HMGXB4: variants seen among roughly 807,000 people sequenced by gnomAD.
The protein encoded by HMGXB4 is HMG-box containing 4, also known as HMG domain-containing protein 4.
Under a neutral mutation model 63.9 loss-of-function variants are expected in HMGXB4, and 27 were observed. The observed-to-expected ratio is 0.42, with a 90% CI of 0.31 to 0.58. The LOEUF is 0.58. Among genes scored for constraint, HMGXB4 ranks in the 20% least tolerant of loss-of-function variants. HMGXB4 has a pLI of 0.13. For missense variants in HMGXB4, 624 were observed against 700.7 expected (o/e 0.89, Z 1.24); for synonymous variants, 264 against 265.3 (o/e 0.99, Z 0.05).
Position 35,293,602 on chromosome 22 carries a change from T to C in HMGXB4, c.1762-5T>C. On this transcript the variant is annotated splice_polypyrimidine_tract_variant and splice_region_variant and intron_variant, in intron 10 of 10. Transcript: ENST00000216106. Reference sequence around the variant, plus strand: ...TTCAGTTGAACATTTTTCTTTGTTTTGCAGTCAAACACATTAGACAACATT... The same window carrying C: ...TTCAGTTGAACATTTTTCTTTGTTTCGCAGTCAAACACATTAGACAACATT... The C allele has an allele frequency of 1.2e-6, 2 of 1,607,420 alleles. No homozygotes were observed. The highest frequency in any genetic ancestry group is 1.7e-6 in the Non-Finnish European group (2 of 1,173,890).
intron 8 of HMGXB4, 123 bp downstream of exon 8, chr22:35,287,575 G>T: frequency 1.5e-6 from 1 of 668,192 alleles, no homozygotes. Context: ...ATTATTACCT[G>T]GGAATGTTAC....
At position 35,265,568 on chromosome 22, in the gene HMGXB4, G is replaced by C; in HGVS notation, c.1180G>C (p.Glu394Gln). 1.9e-6 allele frequency: 3 copies of C among 1,594,434 alleles called. No individual in the cohort carries two copies. The highest frequency in any genetic ancestry group is 2.6e-6 in the Non-Finnish European group (3 of 1,173,642). ...GCATAGTGAAAAAAAAAAGAAAAAAGAAGAGAAGGACAAAGAGAGAGAGAG... is the reference window on the plus strand; with the variant it reads ...GCATAGTGAAAAAAAAAAGAAAAAACAAGAGAAGGACAAAGAGAGAGAGAG... Reference protein sequence around the residue: ...DGHSEKKKKKEEKDKERERGE... With the variant: ...DGHSEKKKKKQEKDKERERGE... The change falls in exon 5 of 11, where the codon GAA (glutamate) becomes CAA (glutamine). Residue 394 changes from glutamate (E) to glutamine (Q), a missense_variant. Glu to Gln is a conservative substitution (Grantham distance 29). Around this residue, in one of 2 missense-constraint regions of HMGXB4, gnomAD observed 472 missense variants for 470.6 expected, o/e 1.00. Coordinates refer to ENST00000216106, the MANE Select transcript of HMGXB4 (RefSeq NM_001003681.3).
the HMGXB4 span, among the ~76,000 whole-genome samples, chr22:35,245,476 C>A: frequency 6.6e-6 from 1 of 151,764 alleles, no homozygotes; most frequent in Non-Finnish European, 1.5e-5. Context: ...ACTGAAGTAT[C>A]TTTATGATGG....
intron 5 of HMGXB4, among the ~76,000 whole-genome samples, chr22:35,271,682 G>A (rs1357810146): frequency 6.6e-6 from 1 of 152,160 alleles, no homozygotes; most frequent in East Asian, 1.9e-4. Flanking sequence ...GTGCCAAGGC[G>A]CTCTGGGACG....
intron 5 of HMGXB4, among the ~76,000 whole-genome samples, chr22:35,275,123 T>C (rs1923831814): frequency 6.8e-6 from 1 of 147,318 alleles, no homozygotes; most frequent in Non-Finnish European, 1.5e-5. Flanking sequence ...TTTTTTTTTT[T>C]TTTTTTTTTT....
At chr22:35,291,143 A>G (rs1156958980) in intron 9 of HMGXB4, among the ~76,000 whole-genome samples, 1 of 152,154 alleles carries the variant, frequency 6.6e-6, no homozygotes, top group African/African-American at 2.4e-5. Context: ...CACACCTGTA[A>G]TCCTAGCTAC....
At chr22:35,266,974 G>A (rs1048795117) in intron 5 of HMGXB4, among the ~76,000 whole-genome samples, 5 of 152,020 alleles carry the variant, frequency 3.3e-5, no homozygotes, top group African/African-American at 1.2e-4. Flanking sequence ...AGCAGAGTGA[G>A]GCTCCCTGTC....
chr22:35,279,838 A>G (rs953740245), intron 5 of HMGXB4, among the ~76,000 whole-genome samples: 7 of 151,774 alleles, frequency 4.6e-5, no homozygotes, highest in African/African-American at 1.7e-4. Context: ...GTTCTGTTCC[A>G]TTGATGTATT....
chr22:35,264,795 G>A lies in HMGXB4; in HGVS notation c.407G>A (p.Gly136Asp), dbSNP rs1318124235. 1 of 1,614,170 alleles carries A rather than the reference G, an allele frequency of 6.2e-7. No individual in the cohort carries two copies. Among genetic ancestry groups the A allele is most frequent in the East Asian group, 2.2e-5 (1 of 44,894 alleles). Residue 136 changes from glycine to aspartate, a missense_variant, in exon 5 of 11, where the codon GGC becomes GAC. Gly to Asp is a moderately conservative substitution (Grantham distance 94). This residue lies in a region of HMGXB4 where 472 missense variants were observed against 470.6 expected (regional missense o/e 1.00). Transcript: ENST00000216106. ...PSKKTGEKSS[G>D]SSSHSESKKE... ...AAAAAGACTGGGGAGAAATCCTCTG[G>A]CTCTTCAAGCCATTCGGAGAGTAAA...
At chr22:35,281,561 G>A (rs1343806567) in intron 5 of HMGXB4, among the ~76,000 whole-genome samples, 2 of 152,170 alleles carry the variant, frequency 1.3e-5, no homozygotes, top group Non-Finnish European at 2.9e-5. Context: ...TTACAGTATT[G>A]TGTTTGAGAA....
rs748696767 is a variant in HMGXB4, at chr22:35,265,312, G to A, written c.924G>A (p.Val308=). The change falls in exon 5 of 11, where the codon GTG becomes GTA. Residue 308 remains valine, a synonymous_variant. Coordinates refer to ENST00000216106, the MANE Select transcript of HMGXB4 (RefSeq NM_001003681.3). The stretch of plus-strand genomic sequence containing the variant: ...GGGAACTAGAGGCTGGGGAGTTAGT[G>A]ATAGATGATTCTTACCGAGAAATCA... ...SGGELEAGEL[V]IDDSYREIKK... The A allele has an allele frequency of 4.4e-5, 71 of 1,613,800 alleles. No individual in the cohort carries two copies. The highest frequency in any genetic ancestry group is 5.6e-5 in the Non-Finnish European group (66 of 1,180,002).
the HMGXB4 span, among the ~76,000 whole-genome samples, chr22:35,246,749 C>T: frequency 6.6e-6 from 1 of 152,214 alleles, no homozygotes; most frequent in South Asian, 2.1e-4. Flanking sequence ...CTGAGGTCCC[C>T]GGTTGTTCTG....
chr22:35,265,411 G>A lies in HMGXB4; in HGVS notation c.1023G>A (p.Lys341=), dbSNP rs1225164861. The A allele has an allele frequency of 6.2e-7, 1 of 1,614,014 alleles. No individual in the cohort carries two copies. Among genetic ancestry groups the A allele is most frequent in the African/African-American group, 1.3e-5 (1 of 74,912 alleles). ...AGCATAAAGAGAAGCGACACTCCAA[G>A]TCCAAGAGAAGTTTAGGACTTTCTG... The part of the protein sequence containing the change: ...KEKHKEKRHS[K]SKRSLGLSAV... Residue 341 remains lysine (K), a synonymous_variant, in exon 5 of 11, where the codon AAG becomes AAA. Coordinates refer to ENST00000216106, the MANE Select transcript of HMGXB4 (RefSeq NM_001003681.3).
intron 9 of HMGXB4, among the ~76,000 whole-genome samples, chr22:35,290,721 C>T (rs912384927): frequency 6.6e-5 from 10 of 150,976 alleles, no homozygotes; most frequent in African/African-American, 1.9e-4. Context: ...CGAATTTAAT[C>T]ATTTGCATAG....
At chr22:35,258,909 T>A (rs1026461320) in intron 1 of HMGXB4, among the ~76,000 whole-genome samples, 1 of 152,212 alleles carries the variant, frequency 6.6e-6, no homozygotes, top group African/African-American at 2.4e-5. Flanking sequence ...TGTTTCCTTT[T>A]TTTCGATACT....
intron 4 of HMGXB4, chr22:35,264,244 CTA>C: frequency 2.1e-6 from 1 of 484,648 alleles, no homozygotes; most frequent in South Asian, 2.0e-5. Flanking sequence ...GTTTTCTTAG[CTA>C]TGTTATGCAC....
chr22:35,268,042 C>T (rs1284703136), intron 5 of HMGXB4, among the ~76,000 whole-genome samples: 1 of 152,204 alleles, frequency 6.6e-6, no homozygotes, highest in African/African-American at 2.4e-5. Flanking sequence ...CAAGATCACG[C>T]CACTGCAGTC....
At chr22:35,288,961 G>A (rs1924766471) in intron 9 of HMGXB4, among the ~76,000 whole-genome samples, 1 of 152,162 alleles carries the variant, frequency 6.6e-6, no homozygotes, top group Non-Finnish European at 1.5e-5. Context: ...CCAATATGGT[G>A]AAACCCTGTC....
At chr22:35,286,578 G>A (rs988869200) in intron 7 of HMGXB4, among the ~76,000 whole-genome samples, 6 of 152,292 alleles carry the variant, frequency 3.9e-5, no homozygotes, top group South Asian at 2.1e-4. Flanking sequence ...GGCTGGGCAC[G>A]GTGGCTCACG....
Sources: gnomAD v4.1 joint callset for allele counts (sites outside exome capture counted in the v4.1 genomes callset) on GRCh38, gnomAD v4.1.1 for gene constraint, gnomAD v4.1.1 regional missense constraint, MANE v1.5 for transcripts, NCBI Gene and HGNC (gene_info 2026-07-23, HGNC 2026-07-21) for gene names.